MYO5A: variants seen among roughly 807,000 people sequenced by gnomAD.
MYO5A encodes the protein myosin VA.
A neutral mutation model predicts 249.7 loss-of-function variants in MYO5A; 98 were observed. The ratio of observed to expected loss-of-function variants is 0.39; its 90% CI spans 0.33 to 0.46. The LOEUF (loss-of-function observed/expected upper bound fraction) is 0.46, where lower values mean the gene tolerates loss of function less well. Among genes scored for constraint, MYO5A ranks in the 20% least tolerant of loss-of-function variants. The probability of loss-of-function intolerance (pLI) is 0.98; values close to 1 mark genes in which losing one functional copy is unlikely to be tolerated. For synonymous variants in MYO5A, 778 were observed against 810.6 expected (o/e 0.96, Z 0.68); for missense variants, 1,696 against 2,308.8 (o/e 0.73, Z 5.44).
intron 29 of MYO5A, among the ~76,000 whole-genome samples, chr15:52,347,653 A>T (rs2039708604): frequency 6.6e-6 from 1 of 152,212 alleles, no homozygotes; most frequent in South Asian, 2.1e-4. Context: ...TCCTTAAAAA[A>T]AATACCACTT....
intron 1 of MYO5A, among the ~76,000 whole-genome samples, chr15:52,495,043 T>C (rs1201978674): frequency 2.0e-5 from 3 of 152,208 alleles, no homozygotes; most frequent in African/African-American, 7.2e-5. Flanking sequence ...ATGATATATA[T>C]ATATCCATAT....
rs199763464 is a variant in MYO5A at position 52,313,863 on chromosome 15, A to G, written c.5491-15T>C. ...CGTAAACGCATCTGAGAAGATTAGG[A>G]AAAAAAATAAACAGAGCATCAGTTC... On this transcript the variant is annotated splice_polypyrimidine_tract_variant and intron_variant, in intron 41 of 41. Coordinates refer to ENST00000399233, the MANE Select transcript of MYO5A (RefSeq NM_001382347.1). 227 of 1,611,936 alleles carry G rather than the reference A, an allele frequency of 1.4e-4. No homozygotes were observed. The highest frequency in any genetic ancestry group is 5.1e-4 in the Middle Eastern group (3 of 5,920).
chr15:52,509,644 G>A (rs975423201), intron 1 of MYO5A, among the ~76,000 whole-genome samples: 13 of 152,164 alleles, frequency 8.5e-5, no homozygotes, highest in Admixed American at 3.3e-4. Context: ...TATGACAGCT[G>A]TAAATAAGCC....
intron 1 of MYO5A, among the ~76,000 whole-genome samples, chr15:52,447,283 C>G: frequency 6.6e-6 from 1 of 152,108 alleles, no homozygotes; most frequent in Non-Finnish European, 1.5e-5. Context: ...CTCTCGCTCT[C>G]TCTCTTGCTT....
chr15:52,452,530 C>A (rs1052121435), intron 1 of MYO5A, among the ~76,000 whole-genome samples: 2 of 152,152 alleles, frequency 1.3e-5, no homozygotes, highest in Admixed American at 6.5e-5. Flanking sequence ...GGAAACTCCG[C>A]TCTTAAACTC....
At chr15:52,463,472 TTTA>T (rs1361701070) in intron 1 of MYO5A, among the ~76,000 whole-genome samples, 1 of 152,186 alleles carries the variant, frequency 6.6e-6, no homozygotes, top group African/African-American at 2.4e-5. Context: ...GCTTTCTTTT[TTTA>T]TTATTATAAA....
At chr15:52,507,821 A>AAAAAAAAAAAAAAAT (rs2077306279) in intron 1 of MYO5A, among the ~76,000 whole-genome samples, 2 of 151,408 alleles carry the variant, frequency 1.3e-5, no homozygotes, top group Non-Finnish European at 2.9e-5. Context: ...AAAAAAAAAA[A>AAAAAAAAAAAAAAAT]GTGTAATAAC....
At chr15:52,325,598 C>T (rs1456399125) in intron 36 of MYO5A, among the ~76,000 whole-genome samples, 2 of 151,814 alleles carry the variant, frequency 1.3e-5, no homozygotes, top group Non-Finnish European at 2.9e-5. Flanking sequence ...GACAGGGTCT[C>T]GCAATGTTGT....
At chr15:52,390,678 G>C (rs548618530) in intron 12 of MYO5A, among the ~76,000 whole-genome samples, 1 of 150,866 alleles carries the variant, frequency 6.6e-6, no homozygotes, top group East Asian at 2.0e-4. Context: ...TCCTGCCTCA[G>C]CCTCCCAAGT....
chr15:52,427,734 T>G (rs374929845), intron 3 of MYO5A, among the ~76,000 whole-genome samples: 1 of 151,854 alleles, frequency 6.6e-6, no homozygotes. Flanking sequence ...ACAGAGTGAT[T>G]AGTGAAAGAA....
chr15:52,528,881 A>T, upstream of MYO5A: 1 of 1,336,844 alleles, frequency 7.5e-7, no homozygotes, highest in Non-Finnish European at 9.6e-7. Flanking sequence ...CGAGCGGACT[A>T]GGAAGCGCCC....
At position 52,321,321 on chromosome 15, in the gene MYO5A, T is replaced by C. The variant is rs769857058; in HGVS notation, c.4951+38A>G. ...GCTACTTATCGATGGGCATGAATGA[T>C]AGGCAGGCTGCAATGCCCAGTGGGG... On this transcript the variant is annotated intron_variant, in intron 38 of 41. Coordinates refer to ENST00000399233, the MANE Select transcript of MYO5A (RefSeq NM_001382347.1). 3.7e-6 allele frequency: 6 copies of C among 1,613,714 alleles called. No individual in the cohort carries two copies. In the South Asian group the frequency reaches 6.6e-5, roughly 18 times the overall value.
intron 1 of MYO5A, among the ~76,000 whole-genome samples, chr15:52,471,805 C>G (rs1481681105): frequency 1.3e-5 from 2 of 152,020 alleles, no homozygotes; most frequent in Non-Finnish European, 2.9e-5. Context: ...CTCAAGTGAT[C>G]ATCCCTTCTC....
At chr15:52,367,156 G>T (rs1205671720) in intron 22 of MYO5A, 32 bp from the exon 23 acceptor site, 14 of 1,570,232 alleles carry the variant, frequency 8.9e-6, no homozygotes, top group Non-Finnish European at 1.2e-5. Flanking sequence ...TGAGATGGTT[G>T]CAATGGACAG....
At chr15:52,324,053 G>A (rs1186299757) in intron 36 of MYO5A, among the ~76,000 whole-genome samples, 1 of 123,518 alleles carries the variant, frequency 8.1e-6, no homozygotes, top group Non-Finnish European at 1.7e-5. Flanking sequence ...CCCAGCTACA[G>A]CTAGCCCAAA....
chr15:52,326,267 A>G (rs942779317), intron 36 of MYO5A, among the ~76,000 whole-genome samples: 2 of 152,200 alleles, frequency 1.3e-5, no homozygotes, highest in African/African-American at 4.8e-5. Flanking sequence ...TCTTCTTGCA[A>G]TTATTATGAG....
chr15:52,376,442 C>T lies in MYO5A; in HGVS notation c.2325G>A (p.Lys775=), dbSNP rs1309607939. The T allele has an allele frequency of 6.2e-7, 1 of 1,614,188 alleles. No individual in the cohort carries two copies. The highest frequency in any genetic ancestry group is 2.2e-5 in the East Asian group (1 of 44,862). The change falls in exon 19 of 42, where the codon AAG becomes AAA. Residue 775 remains lysine (K), a synonymous_variant. Coordinates refer to ENST00000399233, the MANE Select transcript of MYO5A (RefSeq NM_001382347.1). ...KLRAACIRIQ[K]TIRGWLLRKK... The stretch of plus-strand genomic sequence containing the variant: ...TTCTCAGCAGCCACCCTCGGATGGT[C>T]TTCTGGATCCGGATGCAGGCAGCTC...
chr15:52,513,389 C>G (rs2077434288), intron 1 of MYO5A, among the ~76,000 whole-genome samples: 1 of 145,068 alleles, frequency 6.9e-6, no homozygotes, highest in East Asian at 2.3e-4. Flanking sequence ...CGAGATGGTG[C>G]CATTGCACTC....
At chr15:52,375,224 C>A (rs760422241) in intron 20 of MYO5A, 80 bp downstream of exon 20, 6 of 1,417,584 alleles carry the variant, frequency 4.2e-6, no homozygotes, top group Non-Finnish European at 6.0e-6. Context: ...TTCATTGTAG[C>A]CCCTGTGGTA....
Sources: allele counts gnomAD v4.1 joint callset (sites outside exome capture counted in the v4.1 genomes callset), GRCh38; gene constraint gnomAD v4.1.1; transcripts MANE v1.5; gene names NCBI Gene and HGNC (gene_info 2026-07-23, HGNC 2026-07-21).